The following NRXN3 variants were observed in gnomAD, a reference collection of about 807,000 sequenced individuals.
NRXN3 encodes neurexin III.
In NRXN3, 32 loss-of-function variants were observed where a neutral mutation model predicts 137.6. That is an observed-to-expected ratio of 0.23 (90% CI 0.18 to 0.31). The LOEUF (loss-of-function observed/expected upper bound fraction) is 0.31. Among genes scored for constraint, NRXN3 ranks in the 10% least tolerant of loss-of-function variants. NRXN3 has a pLI of 1.00. For missense variants in NRXN3, 1,574 were observed against 2,062.5 expected (o/e 0.76, Z 4.59); for synonymous variants, 798 against 784.5 (o/e 1.02, Z -0.29).
chr14:79,815,782 G>C (rs1251172742), intron 20 of NRXN3, among the ~76,000 whole-genome samples: 1 of 152,062 alleles, frequency 6.6e-6, no homozygotes, highest in Non-Finnish European at 1.5e-5. Flanking sequence ...ACTCAGAATT[G>C]GGAAGTGTCC....
At chr14:79,287,618 T>C (rs1256312923) in intron 15 of NRXN3, among the ~76,000 whole-genome samples, 2 of 152,192 alleles carry the variant, frequency 1.3e-5, no homozygotes, top group African/African-American at 4.8e-5. Context: ...TCAAAGTTTG[T>C]AGAGCAGATA....
At chr14:79,056,802 G>A (rs906534210) in intron 15 of NRXN3, among the ~76,000 whole-genome samples, 1 of 152,202 alleles carries the variant, frequency 6.6e-6, no homozygotes, top group Non-Finnish European at 1.5e-5. Flanking sequence ...AAGGCAATAA[G>A]TACTGGGACT....
chr14:78,205,483 G>C (rs10444740), intron 1 of NRXN3, among the ~76,000 whole-genome samples: 75,626 of 152,070 alleles, frequency 0.5, 19,273 homozygotes, highest in Middle Eastern at 0.63. Flanking sequence ...GCATGAAAGA[G>C]CATTATTTAA....
intron 16 of NRXN3, among the ~76,000 whole-genome samples, chr14:79,541,789 T>TTAC: frequency 6.6e-6 from 1 of 152,336 alleles, no homozygotes; most frequent in South Asian, 2.1e-4. Context: ...GTTGCATTTG[T>TTAC]TACTCATTGT....
intron 15 of NRXN3, among the ~76,000 whole-genome samples, chr14:79,199,039 C>G (rs550442384): frequency 6.6e-6 from 1 of 152,088 alleles, no homozygotes; most frequent in Non-Finnish European, 1.5e-5. Context: ...TGGTGACATG[C>G]GCCTGTAGTC....
chr14:79,787,505 G>A (rs117594060), intron 19 of NRXN3, among the ~76,000 whole-genome samples: 1 of 152,142 alleles, frequency 6.6e-6, no homozygotes, highest in African/African-American at 2.4e-5. Flanking sequence ...TACTTCTCCT[G>A]TCTGAAACTT....
intron 4 of NRXN3, among the ~76,000 whole-genome samples, chr14:78,423,638 G>T (rs1253081137): frequency 2.6e-5 from 4 of 152,220 alleles, no homozygotes; most frequent in Admixed American, 1.3e-4. Context: ...AGTAGCCTTA[G>T]CTACAGCTGA....
chr14:79,030,013 AT>A (rs1355347533), intron 15 of NRXN3, among the ~76,000 whole-genome samples: 4 of 143,824 alleles, frequency 2.8e-5, no homozygotes, highest in African/African-American at 7.8e-5. Context: ...TGCCCGTCTA[AT>A]TTTTTTTCTT....
At position 79,806,859 on chromosome 14, in the gene NRXN3, T is replaced by G. The variant is rs150116894; in HGVS notation, c.4093+1669T>G. Among the ~76,000 whole-genome samples the G allele has an allele frequency of 7.7e-3, 1,133 of 147,252 alleles. 9 individuals are homozygous for G. Among genetic ancestry groups the G allele is most frequent in the Non-Finnish European group, 0.013 (854 of 67,186 alleles). On this transcript the variant is annotated intron_variant, in intron 20 of 20. Transcript: ENST00000335750. Reference sequence around the variant, plus strand: ...TGCTAGATATTAAGGGTTCATATATTAATAGGTCACAATCCTCAATACGTA... The same window carrying G: ...TGCTAGATATTAAGGGTTCATATATGAATAGGTCACAATCCTCAATACGTA...
chr14:78,409,872 A>G (rs1483407382), intron 4 of NRXN3, among the ~76,000 whole-genome samples: 1 of 152,238 alleles, frequency 6.6e-6, no homozygotes, highest in Non-Finnish European at 1.5e-5. Flanking sequence ...AGGAAATTTT[A>G]GAGGGTCCCA....
intron 8 of NRXN3, among the ~76,000 whole-genome samples, chr14:78,743,299 A>G (rs1228853395): frequency 6.6e-6 from 1 of 152,174 alleles, no homozygotes; most frequent in Non-Finnish European, 1.5e-5. Flanking sequence ...TTGGTGTTTG[A>G]ATTATAGAAT....
intron 4 of NRXN3, among the ~76,000 whole-genome samples, chr14:78,334,512 G>A (rs2081229642): frequency 6.6e-6 from 1 of 152,180 alleles, no homozygotes; most frequent in Non-Finnish European, 1.5e-5. Flanking sequence ...GATACAAGAT[G>A]ATCCCCTGGG....
chr14:79,779,911 C>A (rs1413544509), intron 19 of NRXN3, among the ~76,000 whole-genome samples: 3 of 152,120 alleles, frequency 2.0e-5, no homozygotes, highest in Middle Eastern at 3.2e-3. Flanking sequence ...GTTGTCCAGG[C>A]TGGAGTGCAG....
At chr14:79,182,211 A>G (rs887928861) in intron 15 of NRXN3, among the ~76,000 whole-genome samples, 6 of 152,078 alleles carry the variant, frequency 3.9e-5, no homozygotes, top group African/African-American at 1.2e-4. Context: ...ACCAGGGACC[A>G]GTTTCACCGA....
rs767157849 is a variant in NRXN3, at chr14:78,645,377, G to A, written c.1015G>A (p.Asp339Asn). 2.5e-6 allele frequency: 4 copies of A among 1,597,410 alleles called. No homozygotes were observed. Among genetic ancestry groups the A allele is most frequent in the Non-Finnish European group, 1.7e-6 (2 of 1,178,612 alleles). ...IVEPVNGKFN[D>N]NAWHDVKVTR... The stretch of plus-strand genomic sequence containing the variant: ...GGAGCCAGTGAATGGAAAATTCAAC[G>A]ACAACGCCTGGCATGATGTCAAAGT... The change falls in exon 5 of 21, where the codon GAC becomes AAC. Residue 339 changes from aspartate (D) to asparagine (N), a missense_variant. Asp to Asn is a conservative substitution (Grantham distance 23, BLOSUM62 1). This residue lies in a region of NRXN3 where 400 missense variants were observed against 527.3 expected (regional missense o/e 0.76). Coordinates refer to ENST00000335750, the MANE Select transcript of NRXN3 (RefSeq NM_001330195.2).
At chr14:78,983,683 C>A (rs575061376) in intron 14 of NRXN3, among the ~76,000 whole-genome samples, 1 of 151,430 alleles carries the variant, frequency 6.6e-6, no homozygotes, top group South Asian at 2.1e-4. Flanking sequence ...ATGGTGAAAC[C>A]CTATCTCTAC....
intron 4 of NRXN3, among the ~76,000 whole-genome samples, chr14:78,604,800 A>C (rs1335559932): frequency 6.6e-6 from 1 of 152,222 alleles, no homozygotes; most frequent in African/African-American, 2.4e-5. Context: ...GTTCAACCTT[A>C]GAAATTCATA....
chr14:78,606,359 T>C lies in NRXN3; in HGVS notation c.758-38761T>C, dbSNP rs537390345. On this transcript the variant is annotated intron_variant, in intron 4 of 20. Transcript: ENST00000335750. ...TACCAACTTCAGTTTTCTTTGATCA[T>C]GTGATTTCCTTGGCCTGGAAACTCT... is the stretch of plus-strand genomic sequence containing the variant. Among the ~76,000 whole-genome samples the C allele has an allele frequency of 2.0e-4, 31 of 152,330 alleles. 2 individuals are homozygous for C. In the East Asian group the frequency reaches 5.8e-3, roughly 28 times the overall value.
chr14:78,763,325 T>C lies in NRXN3; in HGVS notation c.2045-40295T>C, dbSNP rs563367738. Reference sequence around the variant, plus strand: ...AACTAGCTGCGTGATCTTGGAGTAATTGCATTGCCTTTCTGAGGTTTCATT... The same window carrying C: ...AACTAGCTGCGTGATCTTGGAGTAACTGCATTGCCTTTCTGAGGTTTCATT... On this transcript the variant is annotated intron_variant, in intron 8 of 20. Coordinates refer to ENST00000335750, the MANE Select transcript of NRXN3 (RefSeq NM_001330195.2). 1.4e-4 allele frequency among the ~76,000 whole-genome samples: 22 copies of C among 152,166 alleles called. No homozygotes were observed. The South Asian group carries it at 3.5e-3, about 24-fold the overall frequency.
Sources: gnomAD v4.1 joint callset for allele counts (sites outside exome capture counted in the v4.1 genomes callset) on GRCh38, gnomAD v4.1.1 for gene constraint, gnomAD v4.1.1 regional missense constraint, MANE v1.5 for transcripts, NCBI Gene and HGNC (gene_info 2026-07-23, HGNC 2026-07-21) for gene names.